The following GRIK4 variants were observed in gnomAD, a reference collection of about 807,000 sequenced individuals.
GRIK4 encodes the protein glutamate ionotropic receptor kainate type subunit 4.
GRIK4 carries 40 observed loss-of-function variants against 104.9 expected under a neutral mutation model. That is an observed-to-expected ratio of 0.38 (90% CI 0.30 to 0.50). GRIK4 has a LOEUF of 0.50. Ranked by LOEUF, GRIK4 falls within the 20% of genes least tolerant of loss-of-function variation. The pLI is 0.93. For synonymous variants in GRIK4, 485 were observed against 524.9 expected (o/e 0.92, Z 1.04); for missense variants, 1,047 against 1,308.1 (o/e 0.80, Z 3.08).
intron 1 of GRIK4, among the ~76,000 whole-genome samples, chr11:120,636,756 C>T (rs981115180): frequency 5.3e-5 from 8 of 152,186 alleles, no homozygotes; most frequent in Non-Finnish European, 1.2e-4. Flanking sequence ...AGGAGAATCA[C>T]CTGGGCCTGG....
chr11:120,714,325 G>T (rs981120839), intron 3 of GRIK4, among the ~76,000 whole-genome samples: 1 of 152,214 alleles, frequency 6.6e-6, no homozygotes, highest in Non-Finnish European at 1.5e-5. Flanking sequence ...GAGTAAAGAT[G>T]AGGGGCTTTC....
rs1180969715 is a variant in GRIK4, at chr11:120,874,136, A to G, written c.977A>G (p.Gln326Arg). Reference sequence around the variant, plus strand: ...GCGGTGCAGGAACTGAACCGGAGCCAAGAGATCGGCGTGAAGCCCTTGTCC... The same window carrying G: ...GCGGTGCAGGAACTGAACCGGAGCCGAGAGATCGGCGTGAAGCCCTTGTCC... ...VTAVQELNRS[Q>R]EIGVKPLSCG... Residue 326 changes from glutamine (Q) to arginine (R), a missense_variant, in exon 10 of 21, where the codon CAA becomes CGA. Physicochemically the swap from Gln to Arg is conservative, Grantham distance 43. Coordinates refer to ENST00000527524, the MANE Select transcript of GRIK4 (RefSeq NM_014619.5). The G allele has an allele frequency of 3.1e-6, 5 of 1,614,018 alleles. No homozygotes were observed. The East Asian group carries it at 8.9e-5, about 29-fold the overall frequency.
rs115540542 is a variant in GRIK4 at position 120,617,177 on chromosome 11, G to A, written c.-158-36508G>A. 3.4e-3 allele frequency among the ~76,000 whole-genome samples: 520 copies of A among 152,290 alleles called. 5 individuals are homozygous for A. The highest frequency in any genetic ancestry group is 0.012 in the African/African-American group (497 of 41,542). ...CAAAATGGTCTTTTGTCTCGCAAGA[G>A]GTTACGGTTAAGAACCGCAGTCAGC... On this transcript the variant is annotated intron_variant, in intron 1 of 20. Transcript: ENST00000527524.
At chr11:120,908,845 C>T (rs1168396355) in intron 13 of GRIK4, among the ~76,000 whole-genome samples, 2 of 152,228 alleles carry the variant, frequency 1.3e-5, no homozygotes, top group African/African-American at 4.8e-5. Context: ...CCTTTGGCCA[C>T]CTTCAAAGAA....
chr11:120,615,328 G>T (rs1949096943), intron 1 of GRIK4, among the ~76,000 whole-genome samples: 1 of 152,226 alleles, frequency 6.6e-6, no homozygotes, highest in African/African-American at 2.4e-5. Flanking sequence ...CATTGAGCGG[G>T]TTGGGTGGGC....
chr11:120,657,811 T>C (rs895786844), intron 2 of GRIK4, among the ~76,000 whole-genome samples: 1 of 152,190 alleles, frequency 6.6e-6, no homozygotes, highest in Non-Finnish European at 1.5e-5. Context: ...GGAGTGTCCC[T>C]GAACAAGATT....
chr11:120,601,190 GA>G (rs1948881519), intron 1 of GRIK4, among the ~76,000 whole-genome samples: 6 of 152,106 alleles, frequency 3.9e-5, no homozygotes, highest in Admixed American at 6.5e-5. Flanking sequence ...TAGATCACTT[GA>G]GGTCAGGAGT....
At chr11:120,775,069 G>A (rs545797053) in intron 3 of GRIK4, among the ~76,000 whole-genome samples, 1 of 152,310 alleles carries the variant, frequency 6.6e-6, no homozygotes, top group South Asian at 2.1e-4. Flanking sequence ...GCATCCCAGA[G>A]GGGCAGTTTA....
intron 3 of GRIK4, among the ~76,000 whole-genome samples, chr11:120,771,496 G>A (rs1207089126): frequency 3.3e-5 from 5 of 152,320 alleles, no homozygotes; most frequent in East Asian, 1.9e-4. Context: ...AGTGATATTC[G>A]AGAGGAAAGA....
At chr11:120,974,560 G>T (rs1469245340) in intron 19 of GRIK4, among the ~76,000 whole-genome samples, 3 of 152,192 alleles carry the variant, frequency 2.0e-5, no homozygotes, top group Admixed American at 2.0e-4. Flanking sequence ...CAAAGAAAAG[G>T]AACTGGTGCT....
chr11:120,539,104 C>T (rs557978040), intron 1 of GRIK4, among the ~76,000 whole-genome samples: 8 of 152,306 alleles, frequency 5.3e-5, no homozygotes, highest in East Asian at 1.9e-4. Context: ...TCTAAGATTT[C>T]GGAGGCAGCA....
At chr11:120,711,011 G>T (rs1950725705) in intron 3 of GRIK4, among the ~76,000 whole-genome samples, 1 of 150,652 alleles carries the variant, frequency 6.6e-6, no homozygotes, top group Non-Finnish European at 1.5e-5. Flanking sequence ...GAGGGGGTGT[G>T]AGCAGCTGCA....
At chr11:120,957,454 CG>C (rs1188288595) in intron 16 of GRIK4, among the ~76,000 whole-genome samples, 1 of 152,180 alleles carries the variant, frequency 6.6e-6, no homozygotes, top group Non-Finnish European at 1.5e-5. Context: ...TGTGGGAAAA[CG>C]CAACTCTTGT....
rs548150775 is a variant in GRIK4 at position 120,905,651 on chromosome 11, C to G, written c.1476+158C>G. Among the ~76,000 whole-genome samples the G allele has an allele frequency of 1.5e-4, 23 of 152,344 alleles. No individual in the cohort carries two copies. The highest frequency in any genetic ancestry group is 5.1e-4 in the African/African-American group (21 of 41,574). On this transcript the variant is annotated intron_variant, in intron 13 of 20. Coordinates refer to ENST00000527524, the MANE Select transcript of GRIK4 (RefSeq NM_014619.5). This position sits in a 1 kb window ranked among gnomAD's most constrained non-coding sequence, Gnocchi z 5.1. The stretch of plus-strand genomic sequence containing the variant: ...ACTCATTCTATAAATCTTGCCTGGA[C>G]TGGCACAGACGTGCGGTGGTGGATA...
At chr11:120,901,758 C>A (rs747516871) in intron 12 of GRIK4, among the ~76,000 whole-genome samples, 2 of 152,184 alleles carry the variant, frequency 1.3e-5, no homozygotes, top group Non-Finnish European at 2.9e-5. Context: ...TTACACCGTG[C>A]TTGGAGTTCT....
chr11:120,535,178 T>C (rs1947960282), intron 1 of GRIK4, among the ~76,000 whole-genome samples: 1 of 152,062 alleles, frequency 6.6e-6, no homozygotes, highest in Non-Finnish European at 1.5e-5. Context: ...TGTGAGCCTG[T>C]CTGAGCAGGC....
chr11:120,648,501 G>C (rs1294749725), intron 1 of GRIK4, among the ~76,000 whole-genome samples: 2 of 152,182 alleles, frequency 1.3e-5, no homozygotes, highest in Non-Finnish European at 2.9e-5. Flanking sequence ...AGCTGTGGAG[G>C]GGGTGATCCT....
Position 120,846,370 on chromosome 11 carries a change from T to C in GRIK4, c.744+9526T>C, listed in dbSNP as rs544095075. Among the ~76,000 whole-genome samples the C allele has an allele frequency of 4.5e-4, 68 of 152,296 alleles. 1 individual carries two copies. The highest frequency in any genetic ancestry group is 1.6e-3 in the African/African-American group (66 of 41,572). ...AGGATGTGGTCCAGCAGGATGTGAATTGAAGAGGTCTGCGTCTATTAATGT... is the reference window on the plus strand; with the variant it reads ...AGGATGTGGTCCAGCAGGATGTGAACTGAAGAGGTCTGCGTCTATTAATGT... On this transcript the variant is annotated intron_variant, in intron 8 of 20. Coordinates refer to ENST00000527524, the MANE Select transcript of GRIK4 (RefSeq NM_014619.5).
intron 1 of GRIK4, among the ~76,000 whole-genome samples, chr11:120,638,600 C>A (rs1949429394): frequency 6.6e-6 from 1 of 151,914 alleles, no homozygotes; most frequent in Non-Finnish European, 1.5e-5. Flanking sequence ...GCCTCAGCCT[C>A]TCAAGCAGCT....
Sources: allele counts gnomAD v4.1 joint callset (sites outside exome capture counted in the v4.1 genomes callset), GRCh38; gene constraint gnomAD v4.1.1; non-coding constraint Gnocchi (gnomAD v3.1); transcripts MANE v1.5; gene names NCBI Gene and HGNC (gene_info 2026-07-23, HGNC 2026-07-21).